The following FCN1 variants were observed in gnomAD, a reference collection of about 807,000 sequenced individuals.
FCN1 encodes the protein ficolin-1.
FCN1 carries 42 observed loss-of-function variants against 35.6 expected under a neutral mutation model. That is an observed-to-expected ratio of 1.18 (90% CI 0.92 to 1.53). The LOEUF is 1.53. Ranked by LOEUF, FCN1 falls within the 40% of genes most tolerant of loss-of-function variation. The probability of loss-of-function intolerance (pLI) is 0.00; values close to 1 mark genes in which losing one functional copy is unlikely to be tolerated. For missense variants in FCN1, 439 were observed against 428.4 expected, an observed-to-expected ratio of 1.02 and a Z score of -0.22; for synonymous variants, 179 against 169.8, an observed-to-expected ratio of 1.05 and a Z score of -0.42.
rs770776606 is a variant in FCN1 at position 134,912,592 on chromosome 9, G to A, written c.492C>T (p.Gly164=). 103 of 1,614,046 alleles carry A rather than the reference G, an allele frequency of 6.4e-5. 1 individual carries two copies. The Admixed American group carries it at 1.6e-3, about 26-fold the overall frequency. ...GWTVFQRRMD[G]SVDFYRDWAA... ...CCCAGTCCCGATAGAAGTCCACAGA[G>A]CCATCCATCCTCCGCTGGAAAACCT... The change falls in exon 7 of 9, where the codon GGC becomes GGT. Residue 164 remains glycine (G), a synonymous_variant. Coordinates refer to ENST00000371806, the MANE Select transcript of FCN1 (RefSeq NM_002003.5).
chr9:134,911,431 G>A (rs1004038832), intron 7 of FCN1, among the ~76,000 whole-genome samples, 164 bp from the exon 8 acceptor site: 4 of 149,250 alleles, frequency 2.7e-5, no homozygotes, highest in Non-Finnish European at 4.4e-5. Context: ...TGCAACCTCC[G>A]CCTCCTGGGT....
chr9:134,914,032 T>A (rs556680340), intron 4 of FCN1, among the ~76,000 whole-genome samples: 2 of 152,344 alleles, frequency 1.3e-5, no homozygotes, highest in Admixed American at 6.5e-5. Context: ...TTTTCATTTG[T>A]GTTTGTGGGT....
chr9:134,905,635 C>T lies in FCN1; in HGVS notation c.*4163G>A, dbSNP rs551245665. On this transcript the variant is annotated 3_prime_UTR_variant, in exon 9 of 9. Coordinates refer to ENST00000371806, the MANE Select transcript of FCN1 (RefSeq NM_002003.5). ...AGTAGCTGGGACGATAGGCATCCCC[C>T]ACCATGAACGGCTAATTTTTTTGTA... Among the ~76,000 whole-genome samples, 4 of 151,962 alleles carry T rather than the reference C, an allele frequency of 2.6e-5. No homozygotes were observed. The East Asian group carries it at 7.8e-4, about 29-fold the overall frequency.
Position 134,905,510 on chromosome 9 carries a change from G to A in FCN1, c.*4288C>T, listed in dbSNP as rs4390019. ...TTTGCTTCTTTTATTTTGAGACAGA[G>A]TCTCGCTCTGTCGCCCAGGCTGGAG... On this transcript the variant is annotated 3_prime_UTR_variant, in exon 9 of 9. Coordinates refer to ENST00000371806, the MANE Select transcript of FCN1 (RefSeq NM_002003.5). 0.2 allele frequency among the ~76,000 whole-genome samples: 30,627 copies of A among 151,974 alleles called. 3,615 individuals are homozygous for A. Among genetic ancestry groups the A allele is most frequent in the East Asian group, 0.37 (1,889 of 5,150 alleles).
rs4612436 is a variant in FCN1 at position 134,903,924 on chromosome 9, C to T, written c.*5874G>A. 0.065 allele frequency among the ~76,000 whole-genome samples: 9,867 copies of T among 152,170 alleles called. 1,046 individuals carry two copies. Among genetic ancestry groups the T allele is most frequent in the African/African-American group, 0.22 (9,208 of 41,502 alleles). On this transcript the variant is annotated 3_prime_UTR_variant, in exon 9 of 9. Transcript: ENST00000371806. ...TAAGCAAATTAGATACAGTGAAAAG[C>T]ATTATTAGTGAACTGGAATATAGGT...
At chr9:134,912,963 G>A in intron 6 of FCN1, 53 bp downstream of exon 6, 1 of 1,586,000 alleles carries the variant, frequency 6.3e-7, no homozygotes, top group Non-Finnish European at 8.6e-7. Context: ...CAGGTGTGCA[G>A]CCTGGCCTCC....
chr9:134,914,813 A>G lies in FCN1; in HGVS notation c.218-4T>C, dbSNP rs1831071650. ...GCTCCAGGGAGACCGCGTTCTCCTG[A>G]AAATTCCAAAGACATATCACTGAGA... is the stretch of plus-strand genomic sequence containing the variant. On this transcript the variant is annotated splice_region_variant and splice_polypyrimidine_tract_variant and intron_variant, in intron 2 of 8. Coordinates refer to ENST00000371806, the MANE Select transcript of FCN1 (RefSeq NM_002003.5). 1.2e-6 allele frequency: 2 copies of G among 1,610,428 alleles called. No homozygotes were observed. The highest frequency in any genetic ancestry group is 1.7e-6 in the Non-Finnish European group (2 of 1,177,644).
At chr9:134,915,607 C>T (rs1831083037) in intron 2 of FCN1, among the ~76,000 whole-genome samples, 1 of 152,202 alleles carries the variant, frequency 6.6e-6, no homozygotes, top group South Asian at 2.1e-4. Context: ...ACACGGAAGC[C>T]TAGACACGTC....
At chr9:134,912,452 C>T (rs760373456) in intron 7 of FCN1, 34 bp downstream of exon 7, 3 of 1,597,930 alleles carry the variant, frequency 1.9e-6, no homozygotes, top group African/African-American at 1.3e-5. Flanking sequence ...CACCTCAGGG[C>T]CCCCCAACCC....
chr9:134,905,360 G>A lies in FCN1; in HGVS notation c.*4438C>T, dbSNP rs1361578732. 1.3e-5 allele frequency among the ~76,000 whole-genome samples: 2 copies of A among 152,132 alleles called. No individual in the cohort carries two copies. Among genetic ancestry groups the A allele is most frequent in the African/African-American group, 2.4e-5 (1 of 41,434 alleles). On this transcript the variant is annotated 3_prime_UTR_variant, in exon 9 of 9. Coordinates refer to ENST00000371806, the MANE Select transcript of FCN1 (RefSeq NM_002003.5). ...AAGAGCACTGGCCCAAGAGGAGGAGGGCTTGATTTCTTTTCACCCATTCAG... is the reference window on the plus strand; with the variant it reads ...AAGAGCACTGGCCCAAGAGGAGGAGAGCTTGATTTCTTTTCACCCATTCAG...
At chr9:134,914,717 C>T (rs772910354) in intron 3 of FCN1, 39 bp downstream of exon 3, 1 of 1,506,470 alleles carries the variant, frequency 6.6e-7, no homozygotes, top group Non-Finnish European at 9.2e-7. Context: ...GCTCCAAGGT[C>T]CCTGCTCAAG....
At chr9:134,917,573 C>G (rs577276299) in intron 1 of FCN1, among the ~76,000 whole-genome samples, 196 bp downstream of exon 1, 7 of 152,324 alleles carry the variant, frequency 4.6e-5, no homozygotes, top group African/African-American at 7.2e-5. Flanking sequence ...TGGTGACATC[C>G]CTCCCCTATC....
chr9:134,909,835 C>A lies in FCN1; in HGVS notation c.944G>T (p.Ser315Ile), dbSNP rs148912895. 30 of 1,613,942 alleles carry A rather than the reference C, an allele frequency of 1.9e-5. No homozygotes were observed. The African/African-American group carries it at 4.0e-4, about 22-fold the overall frequency. ...NWSAAKGYKY[S>I]YKVSEMKVRP... ...CACCTTCATCTCTGACACCTTGTAGCTATATTTGTACCCCTTCGCCGCACT... is the reference window on the plus strand; with the variant it reads ...CACCTTCATCTCTGACACCTTGTAGATATATTTGTACCCCTTCGCCGCACT... The change falls in exon 9 of 9, where the codon AGC (serine) becomes ATC (isoleucine). Residue 315 changes from serine (S) to isoleucine (I), a missense_variant. Transcript: ENST00000371806.
chr9:134,917,253 G>A (rs1831103429), intron 1 of FCN1, among the ~76,000 whole-genome samples: 1 of 152,120 alleles, frequency 6.6e-6, no homozygotes, highest in East Asian at 1.9e-4. Flanking sequence ...CCGTCCTTAG[G>A]AGCAGTCTCT....
At chr9:134,914,556 G>A (rs1564220121) in intron 3 of FCN1, 136 bp from the exon 4 acceptor site, 12 of 995,556 alleles carry the variant, frequency 1.2e-5, no homozygotes, top group Non-Finnish European at 1.5e-5. Context: ...ACAACGCCCA[G>A]GTCTCAATGG....
rs951425891 is a variant in FCN1, at chr9:134,916,407, C to A, written c.158G>T (p.Cys53Phe). 2 of 1,614,220 alleles carry A rather than the reference C, an allele frequency of 1.2e-6. No individual in the cohort carries two copies. Among genetic ancestry groups the A allele is most frequent in the Non-Finnish European group, 1.7e-6 (2 of 1,180,042 alleles). The change falls in exon 2 of 9, where the codon TGC becomes TTC. Residue 53 changes from cysteine (C) to phenylalanine (F), a missense_variant. By Grantham distance (205) the Cys-to-Phe change is radical. Transcript: ENST00000371806. ...CCCTGGGGCCCCGGGCAGCCCCGGGCAGCCTCGGAGAATGGTGAGCTTGTC... is the reference window on the plus strand; with the variant it reads ...CCCTGGGGCCCCGGGCAGCCCCGGGAAGCCTCGGAGAATGGTGAGCTTGTC... ...GSDKLTILRG[C>F]PGLPGAPGPK...
Position 134,909,989 on chromosome 9 carries a change from C to G in FCN1, c.790G>C (p.Asp264His). ...NFFSTKDQDN[D>H]VSSSNCAEKF... ...TCAGCACAATTCGAAGAACTCACAT[C>G]ATTGTCTTGGTCTTTGGTGGAGAAG... is the stretch of plus-strand genomic sequence containing the variant. The change falls in exon 9 of 9, where the codon GAT becomes CAT. Residue 264 changes from aspartate (D) to histidine (H), a missense_variant. By Grantham distance (81) the Asp-to-His change is moderately conservative. Coordinates refer to ENST00000371806, the MANE Select transcript of FCN1 (RefSeq NM_002003.5). 1 of 1,614,134 alleles carries G rather than the reference C, an allele frequency of 6.2e-7. No homozygotes were observed. Among genetic ancestry groups the G allele is most frequent in the South Asian group, 1.1e-5 (1 of 91,074 alleles).
At chr9:134,914,500 G>T (rs1485093441) in intron 3 of FCN1, 80 bp from the exon 4 acceptor site, 3 of 1,325,848 alleles carry the variant, frequency 2.3e-6, no homozygotes, top group Non-Finnish European at 3.3e-6. Context: ...TGGGCTCCCG[G>T]CCTGGACACT....
At position 134,913,608 on chromosome 9, in the gene FCN1, C is replaced by T. The variant is rs762049552; in HGVS notation, c.313G>A (p.Ala105Thr). ...EKGMRGEKGDAGQSQSCATGP... is the reference protein window; with the variant it reads ...EKGMRGEKGDTGQSQSCATGP... ...GTCGCACACGACTGAGACTGCCCAGCGTCTCCTGTGTGGGGAGAGGAGACA... is the reference window on the plus strand; with the variant it reads ...GTCGCACACGACTGAGACTGCCCAGTGTCTCCTGTGTGGGGAGAGGAGACA... The change falls in exon 5 of 9, where the codon GCT becomes ACT. Residue 105 changes from alanine to threonine, a missense_variant. By Grantham distance (58) the Ala-to-Thr change is moderately conservative. Transcript: ENST00000371806. 2.3e-5 allele frequency: 37 copies of T among 1,606,068 alleles called. No homozygotes were observed. Among genetic ancestry groups the T allele is most frequent in the Middle Eastern group, 1.7e-4 (1 of 6,052 alleles).
Sources: allele counts gnomAD v4.1 joint callset (sites outside exome capture counted in the v4.1 genomes callset), GRCh38; gene constraint gnomAD v4.1.1; transcripts MANE v1.5; gene names NCBI Gene and HGNC (gene_info 2026-07-23, HGNC 2026-07-21).